Variants in GDPD4 observed in about 807,000 individuals in gnomAD.
The protein encoded by GDPD4 is glycerophosphodiester phosphodiesterase domain containing 4, also known as glycerophosphodiester phosphodiesterase 6.
A neutral mutation model predicts 67.8 loss-of-function variants in GDPD4; 60 were observed. The ratio of observed to expected loss-of-function variants is 0.88; its 90% CI spans 0.72 to 1.10. The LOEUF (loss-of-function observed/expected upper bound fraction) is 1.10, where lower values mean the gene tolerates loss of function less well. Among genes scored for constraint, GDPD4 ranks in the 50% least tolerant of loss-of-function variants. The probability of loss-of-function intolerance (pLI) is 0.00; values close to 1 mark genes in which losing one functional copy is unlikely to be tolerated. For missense variants in GDPD4, 623 were observed against 613.9 expected (o/e 1.01, Z -0.16); for synonymous variants, 212 against 210.9 (o/e 1.00, Z -0.04).
intron 14 of GDPD4, among the ~76,000 whole-genome samples, chr11:77,229,806 C>T (rs1958420590): frequency 6.6e-6 from 1 of 152,202 alleles, no homozygotes; most frequent in South Asian, 2.1e-4. Flanking sequence ...ACAATTACCC[C>T]TTACCTACAT....
At chr11:77,234,512 T>C (rs1958513646) in intron 13 of GDPD4, among the ~76,000 whole-genome samples, 2 of 152,184 alleles carry the variant, frequency 1.3e-5, no homozygotes, top group African/African-American at 4.8e-5. Flanking sequence ...CTCCTCCATT[T>C]TGGACTCCCC....
intron 11 of GDPD4, among the ~76,000 whole-genome samples, chr11:77,255,217 A>G (rs1343922409): frequency 6.6e-6 from 1 of 152,150 alleles, no homozygotes; most frequent in Non-Finnish European, 1.5e-5. Context: ...CAACCCTATC[A>G]CTTACAACTA....
intron 1 of GDPD4, among the ~76,000 whole-genome samples, chr11:77,297,328 C>T (rs1938007139): frequency 6.6e-6 from 1 of 151,836 alleles, no homozygotes; most frequent in East Asian, 1.9e-4. Context: ...GGGCGGATCA[C>T]GAGGTCAGGA....
intron 10 of GDPD4, among the ~76,000 whole-genome samples, chr11:77,266,377 C>T (rs80307888): frequency 6.6e-6 from 1 of 152,208 alleles, no homozygotes; most frequent in African/African-American, 2.4e-5. Flanking sequence ...CTTCTGTAAA[C>T]AAACCTGTAC....
intron 14 of GDPD4, among the ~76,000 whole-genome samples, chr11:77,230,342 A>C (rs1958429279): frequency 1.3e-5 from 2 of 152,264 alleles, no homozygotes; most frequent in Non-Finnish European, 1.5e-5. Context: ...GATGCTGCTT[A>C]AATTTGTGAG....
intron 16 of GDPD4, among the ~76,000 whole-genome samples, chr11:77,218,679 G>A (rs1591521270): frequency 6.6e-6 from 1 of 152,218 alleles, no homozygotes; most frequent in South Asian, 2.1e-4. Flanking sequence ...TCAGAATGAC[G>A]GTTTCCAGCT....
At chr11:77,258,116 T>C (rs561366344) in intron 11 of GDPD4, among the ~76,000 whole-genome samples, 1 of 152,352 alleles carries the variant, frequency 6.6e-6, no homozygotes, top group South Asian at 2.1e-4. Context: ...CTGTAAAAGC[T>C]TATGAAATAT....
chr11:77,291,748 T>G (rs1937782945), intron 1 of GDPD4, among the ~76,000 whole-genome samples: 1 of 152,212 alleles, frequency 6.6e-6, no homozygotes, highest in Non-Finnish European at 1.5e-5. Flanking sequence ...TTATTCATAC[T>G]TGCTAGGAGC....
At chr11:77,229,322 T>C in intron 14 of GDPD4, 90 bp from the exon 15 acceptor site, 1 of 734,376 alleles carries the variant, frequency 1.4e-6, no homozygotes, top group Non-Finnish European at 2.3e-6. Context: ...CTGCCAGGGC[T>C]GGAGGAGGAG....
intron 13 of GDPD4, among the ~76,000 whole-genome samples, chr11:77,237,513 A>C (rs1321575544): frequency 6.6e-6 from 1 of 152,250 alleles, no homozygotes; most frequent in African/African-American, 2.4e-5. Context: ...TCAGGGGGAC[A>C]TGAGAAGCTC....
intron 1 of GDPD4, among the ~76,000 whole-genome samples, chr11:77,288,182 G>A (rs1355184007): frequency 2.6e-5 from 4 of 152,042 alleles, no homozygotes; most frequent in Admixed American, 6.6e-5. Context: ...TGCTGTCACT[G>A]CTAGCACCAG....
rs535027509 is a variant in GDPD4, at chr11:77,216,596, C to G, written c.*681G>C. ...GCCTTTACTTATATGCACAGTCACT[C>G]CTTTAGCAGAAAATATTATGGAGGT... On this transcript the variant is annotated 3_prime_UTR_variant, in exon 17 of 17. Transcript: ENST00000315938. 3.1e-6 allele frequency: 1 copy of G among 326,614 alleles called. No individual in the cohort carries two copies. Among genetic ancestry groups the G allele is most frequent in the African/African-American group, 2.1e-5 (1 of 47,406 alleles). The allele number at this position is 326,614 out of a possible 1,614,324, so 20.2% of individuals were successfully genotyped here. A position where few individuals can be genotyped will look rare whatever the true frequency, so the allele number is the denominator to read the frequency against.
At position 77,216,787 on chromosome 11, in the gene GDPD4, C is replaced by A. The variant is rs1314765501; in HGVS notation, c.*490G>T. 2 of 606,108 alleles carry A rather than the reference C, an allele frequency of 3.3e-6. No individual in the cohort carries two copies. Among genetic ancestry groups the A allele is most frequent in the Non-Finnish European group, 5.8e-6 (2 of 342,002 alleles). The allele number at this position is 606,108 out of a possible 1,614,324, so 37.5% of individuals were successfully genotyped here. A position where few individuals can be genotyped will look rare whatever the true frequency, so the allele number is the denominator to read the frequency against. On this transcript the variant is annotated 3_prime_UTR_variant, in exon 17 of 17. Coordinates refer to ENST00000315938, the MANE Select transcript of GDPD4 (RefSeq NM_182833.3). Reference sequence around the variant, plus strand: ...CTTTATCAACCACTCCCCACCATCACCACCCTTAGGCAGAGAGAGGAAGAA... The same window carrying A: ...CTTTATCAACCACTCCCCACCATCAACACCCTTAGGCAGAGAGAGGAAGAA...
chr11:77,235,009 G>GTTTTGTTTTT (rs1958524851), intron 13 of GDPD4, among the ~76,000 whole-genome samples: 1 of 52,254 alleles, frequency 1.9e-5, no homozygotes, highest in African/African-American at 6.3e-5. Context: ...GTCAATATCT[G>GTTTTGTTTTT]TTTTTTTTTT....
rs143491608 is a variant in GDPD4 at position 77,284,978 on chromosome 11, C to T, written c.53+107G>A. 191 of 820,776 alleles carry T rather than the reference C, an allele frequency of 2.3e-4. No homozygotes were observed. The African/African-American group carries it at 2.9e-3, about 13-fold the overall frequency. The allele number at this position is 820,776 out of a possible 1,614,324, so 50.8% of individuals were successfully genotyped here. The stretch of plus-strand genomic sequence containing the variant: ...AAGCTGTGGAAAGCCCAGTTTTGTC[C>T]GCCTTCCCTACTATATCACCGGATC... On this transcript the variant is annotated intron_variant, in intron 3 of 16. Coordinates refer to ENST00000315938, the MANE Select transcript of GDPD4 (RefSeq NM_182833.3).
chr11:77,295,741 T>C (rs1937933087), intron 1 of GDPD4, among the ~76,000 whole-genome samples: 1 of 152,154 alleles, frequency 6.6e-6, no homozygotes, highest in South Asian at 2.1e-4. Context: ...AAAAGCATGA[T>C]CCATAATAGA....
chr11:77,249,067 C>T (rs1958836768), intron 11 of GDPD4, among the ~76,000 whole-genome samples: 1 of 151,386 alleles, frequency 6.6e-6, no homozygotes, highest in African/African-American at 2.4e-5. Flanking sequence ...GAGATCGAGA[C>T]CATCCTGGCC....
rs114499870 is a variant in GDPD4 at position 77,240,793 on chromosome 11, C to T, written c.1241+2901G>A. Among the ~76,000 whole-genome samples the T allele has an allele frequency of 9.7e-3, 1,473 of 152,160 alleles. 30 individuals are homozygous for T. The highest frequency in any genetic ancestry group is 0.034 in the African/African-American group (1,404 of 41,520). On this transcript the variant is annotated intron_variant, in intron 13 of 16. Transcript: ENST00000315938. ...TGAAGAGATATTTCTCAAAAGAAGA[C>T]ACAAATAGCCAACAAGCATATGAAG... is the stretch of plus-strand genomic sequence containing the variant.
At chr11:77,219,089 G>T (rs575318089) in intron 16 of GDPD4, among the ~76,000 whole-genome samples, 5 of 152,300 alleles carry the variant, frequency 3.3e-5, no homozygotes, top group Admixed American at 2.0e-4. Flanking sequence ...CATTCTAACT[G>T]GTGTGAGATG....
Sources: allele counts gnomAD v4.1 joint callset (sites outside exome capture counted in the v4.1 genomes callset), GRCh38; gene constraint gnomAD v4.1.1; transcripts MANE v1.5; gene names NCBI Gene and HGNC (gene_info 2026-07-23, HGNC 2026-07-21).